The following SOX5 variants were observed in gnomAD, a reference collection of about 807,000 sequenced individuals.
SOX5 encodes the protein SRY-box transcription factor 5.
A neutral mutation model predicts 92.0 loss-of-function variants in SOX5; 9 were observed. The ratio of observed to expected loss-of-function variants is 0.10; its 90% CI spans 0.06 to 0.17. The LOEUF (loss-of-function observed/expected upper bound fraction) is 0.17. SOX5 is among the 10% of genes least tolerant of loss of function. SOX5 has a pLI of 1.00. For synonymous variants in SOX5, 344 were observed against 336.3 expected (o/e 1.02, Z -0.25); for missense variants, 642 against 944.5 (o/e 0.68, Z 4.20).
At chr12:23,881,229 T>G (rs144975856) in intron 2 of SOX5, among the ~76,000 whole-genome samples, 13 of 152,316 alleles carry the variant, frequency 8.5e-5, no homozygotes, top group African/African-American at 3.1e-4. Flanking sequence ...TCCGGGGACA[T>G]GCTCAAGTCG....
At chr12:24,549,999 A>G (rs896830630) in intron 1 of SOX5, among the ~76,000 whole-genome samples, 2 of 152,226 alleles carry the variant, frequency 1.3e-5, no homozygotes, top group African/African-American at 4.8e-5. Flanking sequence ...AGGACTAAAA[A>G]TATATTTTTC....
chr12:24,471,553 G>C (rs12309160), intron 1 of SOX5, among the ~76,000 whole-genome samples: 40,536 of 151,974 alleles, frequency 0.27, 6,602 homozygotes, highest in East Asian at 0.72. Flanking sequence ...TCTTGAAGTT[G>C]TTTTAAATTA....
intron 4 of SOX5, among the ~76,000 whole-genome samples, chr12:24,145,671 CT>C (rs1212866039): frequency 6.6e-6 from 1 of 151,982 alleles, no homozygotes; most frequent in Non-Finnish European, 1.5e-5. Context: ...GATTTTTTAT[CT>C]TTTTTGTATT....
At chr12:23,604,973 G>A (rs114125485) in intron 8 of SOX5, among the ~76,000 whole-genome samples, 79 of 152,086 alleles carry the variant, frequency 5.2e-4, no homozygotes, top group African/African-American at 1.5e-3. Flanking sequence ...ATGGGCACCC[G>A]AAACAATTTT....
At chr12:24,328,853 C>A (rs1950988790) in intron 2 of SOX5, among the ~76,000 whole-genome samples, 1 of 152,102 alleles carries the variant, frequency 6.6e-6, no homozygotes, top group South Asian at 2.1e-4. Context: ...TGGTCTAAAA[C>A]CTTAAACCAG....
intron 3 of SOX5, among the ~76,000 whole-genome samples, chr12:23,807,642 ATT>A (rs34889293): frequency 1.2e-3 from 165 of 142,118 alleles, no homozygotes; most frequent in Admixed American, 2.0e-3. Flanking sequence ...CAGAAATTCC[ATT>A]TTTTTTTTTT....
chr12:24,176,603 T>C (rs1272918115), intron 4 of SOX5, among the ~76,000 whole-genome samples: 1 of 152,216 alleles, frequency 6.6e-6, no homozygotes, highest in Non-Finnish European at 1.5e-5. Context: ...CAAATAATCA[T>C]ATGGTCTATG....
chr12:23,808,099 TC>T (rs2095813428), intron 3 of SOX5, among the ~76,000 whole-genome samples: 1 of 141,610 alleles, frequency 7.1e-6, no homozygotes, highest in African/African-American at 2.6e-5. Context: ...ATCCTTGTTT[TC>T]CCTTCAGAAT....
Position 23,536,444 on chromosome 12 carries a change from G to A in SOX5, c.1988+9C>T. 1 of 1,608,658 alleles carries A rather than the reference G, an allele frequency of 6.2e-7. No individual in the cohort carries two copies. On this transcript the variant is annotated intron_variant, in intron 14 of 14. Transcript: ENST00000451604. ...TGCCCCATGAGAAAAATGACTAAAA[G>A]GTACATACCCAACATTGAAGTACTG...
chr12:23,807,753 T>C (rs978513330), intron 3 of SOX5, among the ~76,000 whole-genome samples: 1 of 151,784 alleles, frequency 6.6e-6, no homozygotes, highest in African/African-American at 2.4e-5. Context: ...TGAATTCTCC[T>C]GCCTCAGCCT....
At chr12:23,878,790 C>T (rs1239924481) in intron 2 of SOX5, among the ~76,000 whole-genome samples, 2 of 152,018 alleles carry the variant, frequency 1.3e-5, no homozygotes, top group South Asian at 2.1e-4. Flanking sequence ...CTACATCATA[C>T]TGACTTTCCA....
At chr12:24,235,492 C>T (rs1301585517) in intron 3 of SOX5, among the ~76,000 whole-genome samples, 4 of 152,082 alleles carry the variant, frequency 2.6e-5, no homozygotes, top group Non-Finnish European at 5.9e-5. Flanking sequence ...AATAGAAACC[C>T]TACATTAATT....
rs539026917 is a variant in SOX5, at chr12:24,393,251, A to G, written c.-250-24612T>C. Among the ~76,000 whole-genome samples the G allele has an allele frequency of 6.6e-6, 1 of 152,324 alleles. No homozygotes were observed. Among genetic ancestry groups the G allele is most frequent in the African/African-American group, 2.4e-5 (1 of 41,572 alleles). On this transcript the variant is annotated intron_variant, in intron 1 of 4. Transcript: ENST00000446891. This position sits in a 1 kb window ranked among gnomAD's most constrained non-coding sequence, Gnocchi z 5.0. ...AGACAAATCCTGTTCCCCATTCTAA[A>G]TTCTGTCTACTAAACAAATTAGCAA...
At chr12:24,469,250 G>A (rs867007415) in intron 1 of SOX5, among the ~76,000 whole-genome samples, 17 of 152,270 alleles carry the variant, frequency 1.1e-4, no homozygotes, top group Middle Eastern at 3.4e-3. Context: ...GATCTGACAG[G>A]AGGTGGAGCT....
intron 1 of SOX5, among the ~76,000 whole-genome samples, chr12:24,381,001 C>T (rs951973083): frequency 2.6e-5 from 4 of 152,192 alleles, no homozygotes; most frequent in Non-Finnish European, 4.4e-5. Context: ...TAAGTGCAGA[C>T]TTTGCACTAC....
intron 3 of SOX5, among the ~76,000 whole-genome samples, chr12:23,814,594 T>G (rs2095948748): frequency 6.6e-6 from 1 of 152,210 alleles, no homozygotes; most frequent in African/African-American, 2.4e-5. Flanking sequence ...TCACTTCAAT[T>G]AACAGATTCT....
intron 3 of SOX5, among the ~76,000 whole-genome samples, chr12:24,269,842 T>G (rs1943491177): frequency 3.5e-5 from 1 of 28,514 alleles, no homozygotes; most frequent in Admixed American, 4.9e-4. Context: ...CCATGCAATT[T>G]TTTTTTTTTT....
chr12:24,005,343 T>C (rs528555992), intron 4 of SOX5, among the ~76,000 whole-genome samples: 6 of 152,270 alleles, frequency 3.9e-5, no homozygotes, highest in Non-Finnish European at 7.4e-5. Context: ...ATAGAGCATA[T>C]TTTTTAGTAA....
chr12:24,159,751 A>C (rs1412909520), intron 4 of SOX5, among the ~76,000 whole-genome samples: 1 of 152,002 alleles, frequency 6.6e-6, no homozygotes, highest in Non-Finnish European at 1.5e-5. Context: ...CAACTCATTC[A>C]ACACTCAAAT....
Sources: allele counts gnomAD v4.1 joint callset (sites outside exome capture counted in the v4.1 genomes callset), GRCh38; gene constraint gnomAD v4.1.1; non-coding constraint Gnocchi (gnomAD v3.1); transcripts MANE v1.5; gene names NCBI Gene and HGNC (gene_info 2026-07-23, HGNC 2026-07-21).